Variants in HPSE2 observed in about 807,000 individuals in gnomAD.
The protein encoded by HPSE2 is heparanase 2 (inactive), also known as inactive heparanase-2.
HPSE2 carries 38 observed loss-of-function variants against 60.5 expected under a neutral mutation model. The ratio of observed to expected loss-of-function variants is 0.63; its 90% CI spans 0.48 to 0.82. HPSE2 has a LOEUF of 0.82. Ranked by LOEUF, HPSE2 falls within the 40% of genes least tolerant of loss-of-function variation. HPSE2 has a pLI of 0.00. For missense variants in HPSE2, 713 were observed against 740.4 expected, an observed-to-expected ratio of 0.96 and a Z score of 0.43; for synonymous variants, 295 against 293.2, an observed-to-expected ratio of 1.01 and a Z score of -0.06.
At chr10:99,240,001 C>A (rs1488236861), upstream of HPSE2, among the ~76,000 whole-genome samples, 3 of 151,782 alleles carry the variant, frequency 2.0e-5, no homozygotes, top group East Asian at 3.9e-4. Context: ...CCAGCCTGAC[C>A]AACATAGTGA....
intron 3 of HPSE2, among the ~76,000 whole-genome samples, chr10:98,936,255 C>T (rs1014953882): frequency 2.1e-5 from 3 of 144,060 alleles, no homozygotes; most frequent in Non-Finnish European, 4.5e-5. Flanking sequence ...GGAGTGGGAC[C>T]CACTGAGCAA....
At chr10:99,215,475 C>A (rs76993206) in intron 2 of HPSE2, among the ~76,000 whole-genome samples, 28 of 151,904 alleles carry the variant, frequency 1.8e-4, no homozygotes, top group Admixed American at 1.8e-3. Context: ...GGTAGGGGGG[C>A]GAAAGGAGGG....
chr10:98,607,874 A>G (rs372163341), intron 9 of HPSE2, among the ~76,000 whole-genome samples: 90 of 152,294 alleles, frequency 5.9e-4, no homozygotes, highest in African/African-American at 2.0e-3. Flanking sequence ...TTGATAACAA[A>G]TGTTTATTAT....
chr10:98,607,040 CCTTT>C (rs1285326329), intron 9 of HPSE2, among the ~76,000 whole-genome samples: 3 of 151,050 alleles, frequency 2.0e-5, no homozygotes, highest in Non-Finnish European at 3.0e-5. Context: ...TTCCTGCTTT[CCTTT>C]CTTTTTCTTT....
At chr10:99,170,476 G>A (rs928706222) in intron 2 of HPSE2, among the ~76,000 whole-genome samples, 3 of 152,090 alleles carry the variant, frequency 2.0e-5, no homozygotes, top group African/African-American at 7.2e-5. Flanking sequence ...TGGGTTGGAG[G>A]CTGAACCCAG....
At chr10:98,761,568 T>G (rs1950005087) in intron 3 of HPSE2, among the ~76,000 whole-genome samples, 1 of 152,190 alleles carries the variant, frequency 6.6e-6, no homozygotes, top group African/African-American at 2.4e-5. Flanking sequence ...CAACATAAAA[T>G]TATTTACCCA....
At chr10:98,684,351 A>T (rs1947858429) in intron 6 of HPSE2, among the ~76,000 whole-genome samples, 1 of 152,122 alleles carries the variant, frequency 6.6e-6, no homozygotes, top group Admixed American at 6.6e-5. Context: ...TAGAAACAGG[A>T]GATTTACTAC....
At chr10:99,218,694 G>A (rs1195796379) in intron 2 of HPSE2, among the ~76,000 whole-genome samples, 1 of 152,132 alleles carries the variant, frequency 6.6e-6, no homozygotes, top group Non-Finnish European at 1.5e-5. Context: ...CTGACTTTTG[G>A]ACAGGGGTGC....
At chr10:98,948,656 G>T (rs1425087420) in intron 3 of HPSE2, among the ~76,000 whole-genome samples, 2 of 152,008 alleles carry the variant, frequency 1.3e-5, no homozygotes, top group African/African-American at 2.4e-5. Flanking sequence ...CAGAAATTAT[G>T]ATGGTATTTC....
At chr10:98,751,132 A>G (rs1003192385) in intron 3 of HPSE2, among the ~76,000 whole-genome samples, 1 of 151,962 alleles carries the variant, frequency 6.6e-6, no homozygotes, top group African/African-American at 2.4e-5. Context: ...TTTGTTACGT[A>G]TTTCCCTCAA....
At chr10:98,900,084 T>G (rs1953623197) in intron 3 of HPSE2, among the ~76,000 whole-genome samples, 1 of 152,138 alleles carries the variant, frequency 6.6e-6, no homozygotes, top group Non-Finnish European at 1.5e-5. Flanking sequence ...CTCCTAGGTA[T>G]TTGACCAAAA....
At chr10:98,540,363 C>T (rs1466920474) in intron 9 of HPSE2, among the ~76,000 whole-genome samples, 1 of 152,178 alleles carries the variant, frequency 6.6e-6, no homozygotes, top group East Asian at 1.9e-4. Flanking sequence ...TGAGCAAGGT[C>T]TGTGATCTGT....
At chr10:99,209,583 C>A (rs894064144) in intron 2 of HPSE2, among the ~76,000 whole-genome samples, 4 of 151,928 alleles carry the variant, frequency 2.6e-5, no homozygotes, top group African/African-American at 9.7e-5. Flanking sequence ...AAAAAAAGAA[C>A]AAACTAGGCC....
intron 5 of HPSE2, among the ~76,000 whole-genome samples, chr10:98,706,462 A>G (rs1056328234): frequency 6.6e-6 from 1 of 152,184 alleles, no homozygotes; most frequent in African/African-American, 2.4e-5. Flanking sequence ...AATGAAGCCC[A>G]GGAGACAGAA....
chr10:99,083,966 CTTT>C (rs34799799), intron 3 of HPSE2, among the ~76,000 whole-genome samples: 17 of 79,758 alleles, frequency 2.1e-4, no homozygotes, highest in Non-Finnish European at 3.4e-4. Context: ...GTGTGAAAGC[CTTT>C]TTTTTTTTTT....
chr10:98,799,790 G>A (rs2041528154), intron 3 of HPSE2, among the ~76,000 whole-genome samples: 1 of 151,432 alleles, frequency 6.6e-6, no homozygotes, highest in Admixed American at 6.6e-5. Flanking sequence ...GCAATACTAA[G>A]AGGAAAATAT....
At chr10:98,794,424 T>A (rs757425153) in intron 3 of HPSE2, among the ~76,000 whole-genome samples, 1 of 152,070 alleles carries the variant, frequency 6.6e-6, no homozygotes, top group Non-Finnish European at 1.5e-5. Context: ...TTTGTATTTT[T>A]AGTAGAGATG....
chr10:98,476,860 C>T (rs1323631526), intron 11 of HPSE2, among the ~76,000 whole-genome samples: 1 of 152,030 alleles, frequency 6.6e-6, no homozygotes, highest in Non-Finnish European at 1.5e-5. Flanking sequence ...TGTGAATTAG[C>T]CTGAAGGAGA....
At chr10:98,740,608 T>C (rs1168261580) in intron 4 of HPSE2, among the ~76,000 whole-genome samples, 1 of 152,212 alleles carries the variant, frequency 6.6e-6, no homozygotes, top group Non-Finnish European at 1.5e-5. Context: ...AAGAGGTAGG[T>C]TAGTCACTTA....
Sources: gnomAD v4.1 joint callset for allele counts (sites outside exome capture counted in the v4.1 genomes callset) on GRCh38, gnomAD v4.1.1 for gene constraint, MANE v1.5 for transcripts, NCBI Gene and HGNC (gene_info 2026-07-23, HGNC 2026-07-21) for gene names.